Variants in DPP6 observed in about 807,000 individuals in gnomAD.
The protein encoded by DPP6 is A-type potassium channel modulatory protein DPP6.
In DPP6, 69 loss-of-function variants were observed where a neutral mutation model predicts 122.6. The observed-to-expected ratio is 0.56, with a 90% CI of 0.46 to 0.69. DPP6 has a LOEUF of 0.69. DPP6 is among the 30% of genes least tolerant of loss of function. DPP6 has a pLI of 0.00. For synonymous variants in DPP6, 418 were observed against 433.1 expected (o/e 0.97, Z 0.43); for missense variants, 928 against 1,116.9 (o/e 0.83, Z 2.41).
rs531456849 is a variant in DPP6, at chr7:154,424,482, C to T, written c.244-21732C>T. Among the ~76,000 whole-genome samples the T allele has an allele frequency of 4.6e-5, 7 of 152,320 alleles. No individual in the cohort carries two copies. The East Asian group carries it at 1.3e-3, about 29-fold the overall frequency. The stretch of plus-strand genomic sequence containing the variant: ...CGGCTCTTTCCTCCGCCTTCAGAGC[C>T]AGCAATCGCTGCCTGTGTTTTTCTA... On this transcript the variant is annotated intron_variant, in intron 1 of 25. Transcript: ENST00000377770.
chr7:154,207,043 G>C (rs1310962371), intron 1 of DPP6, among the ~76,000 whole-genome samples: 4 of 152,206 alleles, frequency 2.6e-5, no homozygotes, highest in Admixed American at 6.5e-5. Context: ...CATAGCTGGA[G>C]ACACAAAAGT....
chr7:154,751,769 C>T (rs1304619341), intron 8 of DPP6, among the ~76,000 whole-genome samples: 5 of 152,034 alleles, frequency 3.3e-5, no homozygotes, highest in Admixed American at 6.5e-5. Flanking sequence ...GAGGCAGGGA[C>T]GGATAGGACT....
chr7:154,484,261 A>G (rs904560404), intron 3 of DPP6, among the ~76,000 whole-genome samples: 7 of 152,322 alleles, frequency 4.6e-5, no homozygotes, highest in East Asian at 3.9e-4. Context: ...TGACCAACAG[A>G]AAGTGTCTCC....
At chr7:153,940,486 C>G (rs149098290) in intron 1 of DPP6, among the ~76,000 whole-genome samples, 4 of 152,224 alleles carry the variant, frequency 2.6e-5, no homozygotes, top group South Asian at 2.1e-4. Flanking sequence ...TGAGGTTGTA[C>G]TAGGTGGGCC....
chr7:154,587,457 A>AT, intron 5 of DPP6: 1 of 637,662 alleles, frequency 1.6e-6, no homozygotes, highest in South Asian at 2.0e-5. Context: ...CACAGCCTGC[A>AT]GCTAAGCATG....
At chr7:154,208,291 A>G (rs1331923282) in intron 1 of DPP6, among the ~76,000 whole-genome samples, 24 of 152,208 alleles carry the variant, frequency 1.6e-4, no homozygotes, top group Admixed American at 1.6e-3. Flanking sequence ...TGACTAGGTA[A>G]GAGTTGGCTA....
chr7:154,674,448 G>C (rs1838762246), intron 7 of DPP6, among the ~76,000 whole-genome samples: 1 of 152,212 alleles, frequency 6.6e-6, no homozygotes, highest in Non-Finnish European at 1.5e-5. Flanking sequence ...TCTGCAAGGG[G>C]AGGGAGGGCA....
intron 4 of DPP6, among the ~76,000 whole-genome samples, chr7:154,548,686 G>A (rs752291373): frequency 1.3e-5 from 2 of 152,120 alleles, no homozygotes; most frequent in Non-Finnish European, 2.9e-5. Flanking sequence ...CTCTGTGCAA[G>A]GCCCTGACTA....
At chr7:154,006,004 C>T (rs913068924) in intron 1 of DPP6, among the ~76,000 whole-genome samples, 1 of 152,042 alleles carries the variant, frequency 6.6e-6, no homozygotes, top group Non-Finnish European at 1.5e-5. Context: ...CTTCTGGAGT[C>T]TTGGTGAGGC....
chr7:154,245,406 G>A (rs1368074675), intron 1 of DPP6, among the ~76,000 whole-genome samples: 2 of 151,702 alleles, frequency 1.3e-5, no homozygotes, highest in Admixed American at 6.6e-5. Flanking sequence ...AGGCCGAGGT[G>A]GGTGGATCAC....
chr7:154,407,426 T>C (rs1816210142), intron 1 of DPP6, among the ~76,000 whole-genome samples: 1 of 152,234 alleles, frequency 6.6e-6, no homozygotes, highest in Non-Finnish European at 1.5e-5. Context: ...TTTCAGTGCC[T>C]AGCCACTGTC....
chr7:154,330,719 C>A (rs555716774), intron 1 of DPP6, among the ~76,000 whole-genome samples: 1 of 152,144 alleles, frequency 6.6e-6, no homozygotes, highest in South Asian at 2.1e-4. Flanking sequence ...GTGTACACAC[C>A]CTCTGGGGAG....
intron 19 of DPP6, among the ~76,000 whole-genome samples, chr7:154,873,796 A>G (rs932392992): frequency 3.3e-5 from 5 of 149,518 alleles, no homozygotes; most frequent in African/African-American, 1.2e-4. Flanking sequence ...ATGTGCACAC[A>G]TGCATCCACA....
chr7:154,866,909 C>T (rs555389722), intron 17 of DPP6, among the ~76,000 whole-genome samples: 14 of 151,888 alleles, frequency 9.2e-5, no homozygotes, highest in South Asian at 6.2e-4. Context: ...CAAAGCCACA[C>T]GTCCAGATTC....
chr7:154,361,280 A>G (rs1035944873), intron 1 of DPP6, among the ~76,000 whole-genome samples: 1 of 151,898 alleles, frequency 6.6e-6, no homozygotes, highest in African/African-American at 2.4e-5. Flanking sequence ...CTAACAGCAC[A>G]CTGCCCACCA....
the DPP6 span, among the ~76,000 whole-genome samples, chr7:153,822,207 T>G: frequency 4.3e-5 from 3 of 69,350 alleles, no homozygotes; most frequent in South Asian, 1.5e-3. Context: ...TTTTTTTTTT[T>G]GAGATGGAGT....
At chr7:154,141,938 T>C (rs1050529344) in intron 1 of DPP6, among the ~76,000 whole-genome samples, 2 of 152,174 alleles carry the variant, frequency 1.3e-5, no homozygotes, top group African/African-American at 2.4e-5. Context: ...GCCCTTCAGT[T>C]AATGCTAGTT....
intron 10 of DPP6, among the ~76,000 whole-genome samples, chr7:154,783,212 G>A (rs531554391): frequency 6.6e-6 from 1 of 152,082 alleles, no homozygotes; most frequent in African/African-American, 2.4e-5. Flanking sequence ...CAAAGGCCTC[G>A]CATCCCCATA....
intron 1 of DPP6, among the ~76,000 whole-genome samples, chr7:154,101,935 CAAAAAAAAAAAAA>C (rs915468915): frequency 2.4e-5 from 1 of 40,828 alleles, no homozygotes; most frequent in African/African-American, 9.6e-5. Context: ...TACTCCATCT[CAAAAAAAAAAAAA>C]AAAAAAAAAA....
Sources: allele counts gnomAD v4.1 joint callset (sites outside exome capture counted in the v4.1 genomes callset), GRCh38; gene constraint gnomAD v4.1.1; transcripts MANE v1.5; gene names NCBI Gene and HGNC (gene_info 2026-07-23, HGNC 2026-07-21).